PLCL1: variants seen among roughly 807,000 people sequenced by gnomAD.
PLCL1 encodes the protein inactive phospholipase C-like protein 1.
A neutral mutation model predicts 84.4 loss-of-function variants in PLCL1; 41 were observed. The ratio of observed to expected loss-of-function variants is 0.49; its 90% CI spans 0.38 to 0.63. The LOEUF (loss-of-function observed/expected upper bound fraction) is 0.63, where lower values mean the gene tolerates loss of function less well. Among genes scored for constraint, PLCL1 ranks in the 30% least tolerant of loss-of-function variants. The pLI, the probability that PLCL1 is intolerant of heterozygous loss-of-function variation, is 0.00. For synonymous variants in PLCL1, 490 were observed against 488.3 expected (o/e 1.00, Z -0.05); for missense variants, 1,206 against 1,367.8 (o/e 0.88, Z 1.87).
At chr2:198,132,390 G>C (rs1694140608) in intron 5 of PLCL1, among the ~76,000 whole-genome samples, 1 of 152,078 alleles carries the variant, frequency 6.6e-6, no homozygotes. Flanking sequence ...CATTGCATAA[G>C]GCCTGACAAA....
At chr2:198,117,166 AGTCTC>A (rs1277400430) in intron 5 of PLCL1, among the ~76,000 whole-genome samples, 2 of 151,896 alleles carry the variant, frequency 1.3e-5, no homozygotes, top group Non-Finnish European at 2.9e-5. Flanking sequence ...AAATAAATCT[AGTCTC>A]AGAAAGTTGA....
intron 4 of PLCL1, among the ~76,000 whole-genome samples, chr2:198,102,584 G>A (rs1574313862): frequency 1.3e-5 from 2 of 152,102 alleles, no homozygotes; most frequent in Non-Finnish European, 2.9e-5. Flanking sequence ...CTGGAGGCAA[G>A]TTCCCACAGA....
At position 197,868,705 on chromosome 2, in the gene PLCL1, C is replaced by CT. The variant is rs959622220; in HGVS notation, c.240+63377dup. 4.3e-3 allele frequency among the ~76,000 whole-genome samples: 604 copies of CT among 139,474 alleles called. 3 individuals are homozygous for CT. Among genetic ancestry groups the CT allele is most frequent in the African/African-American group, 0.014 (520 of 37,996 alleles). 91.5% of individuals were successfully genotyped at this position (139,474 alleles called of 152,430 possible). On this transcript the variant is annotated intron_variant, in intron 1 of 5. Transcript: ENST00000428675. ...TTTTTTTAGTAGAGATAAGGTCTCG[C>CT]TTTTTTTTTTTAGTAGAGATAAGTT...
chr2:197,916,573 TATC>T (rs1260202042), intron 1 of PLCL1, among the ~76,000 whole-genome samples: 3 of 151,900 alleles, frequency 2.0e-5, no homozygotes, highest in East Asian at 1.9e-4. Context: ...ACTCAATATA[TATC>T]ATCATCATCA....
At chr2:197,814,377 G>A (rs1690647832) in intron 1 of PLCL1, among the ~76,000 whole-genome samples, 1 of 152,106 alleles carries the variant, frequency 6.6e-6, no homozygotes, top group South Asian at 2.1e-4. Flanking sequence ...TATTGTAATT[G>A]TTTTGGAGTG....
At chr2:197,913,733 G>A (rs1377385239) in intron 1 of PLCL1, among the ~76,000 whole-genome samples, 1 of 152,140 alleles carries the variant, frequency 6.6e-6, no homozygotes, top group East Asian at 1.9e-4. Context: ...AATACTCTAG[G>A]GGAAGAACTC....
chr2:198,142,133 T>C (rs1043515405), intron 5 of PLCL1, among the ~76,000 whole-genome samples: 6 of 152,096 alleles, frequency 3.9e-5, no homozygotes, highest in African/African-American at 1.4e-4. Flanking sequence ...ACCATTTTCA[T>C]TGGTGGGGGG....
rs564532800 is a variant in PLCL1 at position 198,139,688 on chromosome 2, G to T, written c.3106-7092G>T. Among the ~76,000 whole-genome samples, 138 of 152,176 alleles carry T rather than the reference G, an allele frequency of 9.1e-4. 1 individual carries two copies. Among genetic ancestry groups the T allele is most frequent in the Non-Finnish European group, 1.6e-3 (110 of 68,000 alleles). On this transcript the variant is annotated intron_variant, in intron 5 of 5. Transcript: ENST00000428675. The stretch of plus-strand genomic sequence containing the variant: ...GCCTTACAAAGTATTTGTTTCAAAG[G>T]GTTGGTTTTGATAGATTGAGAACCT...
intron 1 of PLCL1, among the ~76,000 whole-genome samples, chr2:197,843,374 CTT>C (rs1259740962): frequency 6.6e-5 from 10 of 152,222 alleles, no homozygotes; most frequent in South Asian, 2.1e-4. Context: ...TAAAAGAAAA[CTT>C]ATATTTTTAT....
In PLCL1 at chr2:197,935,263, T is replaced by A. The variant is rs113130589; in HGVS notation, c.240+129924T>A. Among the ~76,000 whole-genome samples the A allele has an allele frequency of 3.0e-4, 46 of 152,126 alleles. 1 individual carries two copies. The highest frequency in any genetic ancestry group is 1.4e-3 in the Admixed American group (22 of 15,282). ...AGAATTTAAAACAGAATTACCATTC[T>A]GTATACACCCAAAGGAATATAATTA... On this transcript the variant is annotated intron_variant, in intron 1 of 5. Transcript: ENST00000428675.
chr2:197,888,338 C>T (rs1687957910), intron 1 of PLCL1, among the ~76,000 whole-genome samples: 1 of 151,806 alleles, frequency 6.6e-6, no homozygotes, highest in Admixed American at 6.6e-5. Context: ...AATATTTGTT[C>T]CCAGTTAATT....
At chr2:198,046,735 AG>A (rs956027199) in intron 1 of PLCL1, among the ~76,000 whole-genome samples, 1 of 152,124 alleles carries the variant, frequency 6.6e-6, no homozygotes, top group African/African-American at 2.4e-5. Flanking sequence ...GCTACTTGGG[AG>A]GCTGAGGTGA....
rs1481378595 is a variant in PLCL1 at position 198,147,041 on chromosome 2, T to C, written c.*79T>C. On this transcript the variant is annotated 3_prime_UTR_variant, in exon 6 of 6. Coordinates refer to ENST00000428675, the MANE Select transcript of PLCL1 (RefSeq NM_006226.4). ...TTCTTGTTTTCTTTCTTTAAATGTT[T>C]TATAAGTTCACAAAATGGTGCCCTA... 7.9e-7 allele frequency: 1 copy of C among 1,261,282 alleles called. No homozygotes were observed. The highest frequency in any genetic ancestry group is 1.1e-6 in the Non-Finnish European group (1 of 927,214). The allele number at this position is 1,261,282 out of a possible 1,614,324, so 78.1% of individuals were successfully genotyped here. A position where few individuals can be genotyped will look rare whatever the true frequency, so the allele number is the denominator to read the frequency against.
At chr2:197,916,324 T>C (rs1176250833) in intron 1 of PLCL1, among the ~76,000 whole-genome samples, 1 of 152,206 alleles carries the variant, frequency 6.6e-6, no homozygotes, top group Non-Finnish European at 1.5e-5. Context: ...GGATATTCCA[T>C]ACTGGTTAAG....
intron 1 of PLCL1, among the ~76,000 whole-genome samples, chr2:197,833,651 C>T (rs972602718): frequency 1.3e-5 from 2 of 152,026 alleles, no homozygotes; most frequent in Non-Finnish European, 2.9e-5. Flanking sequence ...AGGAGGACTA[C>T]AAGGAAATAA....
intron 1 of PLCL1, among the ~76,000 whole-genome samples, chr2:197,891,648 G>T (rs1455266661): frequency 6.6e-6 from 1 of 151,358 alleles, no homozygotes; most frequent in Non-Finnish European, 1.5e-5. Context: ...TTTGAGATAA[G>T]CTAATCTGAC....
At chr2:197,979,218 G>GA (rs1285119013) in intron 1 of PLCL1, among the ~76,000 whole-genome samples, 1 of 152,150 alleles carries the variant, frequency 6.6e-6, no homozygotes, top group Non-Finnish European at 1.5e-5. Context: ...ATTTTGCTTG[G>GA]AAAAAGCCCA....
chr2:198,071,097 TGCACACAC>T (rs1161477187), intron 1 of PLCL1: 1 of 114,408 alleles, frequency 8.7e-6, no homozygotes, highest in African/African-American at 6.7e-5. Flanking sequence ...TTTTTAAGTA[TGCACACAC>T]ACACACACAC....
At chr2:198,032,122 A>G (rs995838365) in intron 1 of PLCL1, among the ~76,000 whole-genome samples, 6 of 152,358 alleles carry the variant, frequency 3.9e-5, no homozygotes, top group Admixed American at 3.9e-4. Context: ...TGTGGTCTCT[A>G]TGATGGTTTA....
Sources: gnomAD v4.1 joint callset for allele counts (sites outside exome capture counted in the v4.1 genomes callset) on GRCh38, gnomAD v4.1.1 for gene constraint, MANE v1.5 for transcripts, NCBI Gene and HGNC (gene_info 2026-07-23, HGNC 2026-07-21) for gene names.